The following AGMO variants were observed in gnomAD, a reference collection of about 807,000 sequenced individuals.
AGMO encodes glyceryl-ether monooxygenase.
A neutral mutation model predicts 60.2 loss-of-function variants in AGMO; 75 were observed. The observed-to-expected ratio is 1.25, with a 90% CI of 1.03 to 1.51. The LOEUF (loss-of-function observed/expected upper bound fraction) is 1.51. AGMO is among the 40% of genes most tolerant of loss of function. AGMO has a pLI of 0.00. For synonymous variants in AGMO, 261 were observed against 177.1 expected, an observed-to-expected ratio of 1.47 and a Z score of -3.76; for missense variants, 763 against 525.5, an observed-to-expected ratio of 1.45 and a Z score of -4.42.
intron 10 of AGMO, among the ~76,000 whole-genome samples, chr7:15,382,758 C>T (rs955443087): frequency 6.6e-6 from 1 of 152,050 alleles, no homozygotes; most frequent in Non-Finnish European, 1.5e-5. Context: ...ATTGAATATT[C>T]TGTTTTTTTA....
At chr7:15,197,706 C>G (rs77967209), downstream of AGMO, among the ~76,000 whole-genome samples, 1,938 of 152,306 alleles carry the variant, frequency 0.013, 32 homozygotes, top group African/African-American at 0.039. Flanking sequence ...AAGTTCTGGA[C>G]TCATTCACCC....
intron 12 of AGMO, among the ~76,000 whole-genome samples, chr7:15,248,724 G>A (rs1156285823): frequency 6.6e-6 from 1 of 152,180 alleles, no homozygotes; most frequent in Non-Finnish European, 1.5e-5. Flanking sequence ...TTGGAAGAAT[G>A]ACAGGAAATG....
At chr7:15,438,664 G>A (rs962184387) in intron 3 of AGMO, among the ~76,000 whole-genome samples, 1 of 152,076 alleles carries the variant, frequency 6.6e-6, no homozygotes, top group East Asian at 1.9e-4. Flanking sequence ...TCAACATGAC[G>A]AATATTTAGC....
chr7:15,363,931 G>T (rs1343309799), intron 12 of AGMO, among the ~76,000 whole-genome samples: 1 of 151,510 alleles, frequency 6.6e-6, no homozygotes, highest in East Asian at 1.9e-4. Context: ...TTGATTTTAT[G>T]ATTTTTTTCA....
chr7:15,169,716 C>T, the AGMO span, among the ~76,000 whole-genome samples: 69 of 152,264 alleles, frequency 4.5e-4, no homozygotes, highest in Middle Eastern at 3.4e-3. Flanking sequence ...GGGTTACAGG[C>T]GTGAGACACC....
chr7:15,542,873 T>C (rs1161708778), intron 3 of AGMO, among the ~76,000 whole-genome samples: 2 of 152,230 alleles, frequency 1.3e-5, no homozygotes, highest in East Asian at 3.8e-4. Flanking sequence ...ACTCATATAT[T>C]CACTTCAAAT....
intron 12 of AGMO, among the ~76,000 whole-genome samples, chr7:15,357,495 C>G (rs898739428): frequency 6.6e-6 from 1 of 152,138 alleles, no homozygotes; most frequent in Admixed American, 6.5e-5. Flanking sequence ...GATCTTACTG[C>G]TCTTCAAATC....
chr7:15,166,322 T>G, the AGMO span, among the ~76,000 whole-genome samples: 1 of 151,914 alleles, frequency 6.6e-6, no homozygotes, highest in Non-Finnish European at 1.5e-5. Context: ...ACCACACCGG[T>G]GGATGGAGCA....
intron 4 of AGMO, among the ~76,000 whole-genome samples, chr7:15,428,600 G>T (rs2128497558): frequency 1.3e-5 from 2 of 152,186 alleles, no homozygotes; most frequent in South Asian, 4.1e-4. Context: ...GCTCCAACTT[G>T]GCATTGCTCA....
intron 3 of AGMO, among the ~76,000 whole-genome samples, chr7:15,517,972 C>T (rs375993452): frequency 5.9e-5 from 9 of 152,076 alleles, no homozygotes; most frequent in African/African-American, 9.7e-5. Context: ...CTGGGACACT[C>T]GAGCTTGGTT....
chr7:15,535,915 C>T (rs373448129), intron 3 of AGMO, among the ~76,000 whole-genome samples: 3 of 145,076 alleles, frequency 2.1e-5, no homozygotes, highest in African/African-American at 8.3e-5. Context: ...CTGTTATAAT[C>T]CTAGCAATTA....
At chr7:15,403,926 C>T (rs1784622034) in intron 5 of AGMO, among the ~76,000 whole-genome samples, 1 of 151,956 alleles carries the variant, frequency 6.6e-6, no homozygotes, top group Admixed American at 6.6e-5. Context: ...ATGTGCTTGT[C>T]TGCCTAGTTT....
intron 12 of AGMO, among the ~76,000 whole-genome samples, chr7:15,359,016 T>A (rs1434705776): frequency 2.0e-5 from 3 of 152,144 alleles, no homozygotes; most frequent in African/African-American, 7.2e-5. Flanking sequence ...TATGGAGTTT[T>A]ATAAATTAAT....
At chr7:15,280,153 G>C (rs1469135905) in intron 12 of AGMO, among the ~76,000 whole-genome samples, 3 of 152,172 alleles carry the variant, frequency 2.0e-5, no homozygotes, top group African/African-American at 7.2e-5. Context: ...GAGGGGAATG[G>C]TCTGAAAGCT....
At chr7:15,403,446 G>A (rs1784607993) in intron 5 of AGMO, among the ~76,000 whole-genome samples, 1 of 151,846 alleles carries the variant, frequency 6.6e-6, no homozygotes, top group Non-Finnish European at 1.5e-5. Flanking sequence ...ACGTCATAGA[G>A]TGGAACAATG....
intron 5 of AGMO, among the ~76,000 whole-genome samples, chr7:15,414,911 T>C (rs1780714367): frequency 6.6e-6 from 1 of 152,112 alleles, no homozygotes; most frequent in South Asian, 2.1e-4. Context: ...GTCTCTATAA[T>C]AAATGGGGCT....
At chr7:15,558,887 C>G (rs573296645) in intron 2 of AGMO, among the ~76,000 whole-genome samples, 1 of 151,986 alleles carries the variant, frequency 6.6e-6, no homozygotes, top group Admixed American at 6.6e-5. Flanking sequence ...TAGAAACATT[C>G]CAAAGCAATG....
chr7:15,157,538 C>T, the AGMO span, among the ~76,000 whole-genome samples: 1 of 152,130 alleles, frequency 6.6e-6, no homozygotes, highest in Non-Finnish European at 1.5e-5. Flanking sequence ...GGCTGCAGGT[C>T]CTGGTGATAA....
chr7:15,291,204 T>C (rs981282282), intron 12 of AGMO, among the ~76,000 whole-genome samples: 2 of 152,202 alleles, frequency 1.3e-5, no homozygotes, highest in Non-Finnish European at 2.9e-5. Flanking sequence ...AATTAAAATG[T>C]TTGTGGTTAA....
Sources: allele counts gnomAD v4.1 joint callset (sites outside exome capture counted in the v4.1 genomes callset), GRCh38; gene constraint gnomAD v4.1.1; transcripts MANE v1.5; gene names NCBI Gene and HGNC (gene_info 2026-07-23, HGNC 2026-07-21).